FRMD4B: variants seen among roughly 807,000 people sequenced by gnomAD.
FRMD4B encodes the protein FERM domain-containing protein 4B.
FRMD4B carries 74 observed loss-of-function variants against 141.5 expected under a neutral mutation model. The ratio of observed to expected loss-of-function variants is 0.52; its 90% CI spans 0.43 to 0.63. The LOEUF is 0.63. Ranked by LOEUF, FRMD4B falls within the 30% of genes least tolerant of loss-of-function variation. The probability of loss-of-function intolerance (pLI) is 0.00; values close to 1 mark genes in which losing one functional copy is unlikely to be tolerated. For synonymous variants in FRMD4B, 506 were observed against 467.9 expected, an observed-to-expected ratio of 1.08 and a Z score of -1.05; for missense variants, 1,366 against 1,253.4, an observed-to-expected ratio of 1.09 and a Z score of -1.36.
At position 69,198,883 on chromosome 3, in the gene FRMD4B, C is replaced by T. The variant is rs921033609; in HGVS notation, c.877-109G>A. 8.7e-5 allele frequency: 57 copies of T among 654,912 alleles called. No homozygotes were observed. The Admixed American group carries it at 1.3e-3, about 15-fold the overall frequency. The allele number at this position is 654,912 out of a possible 1,614,324, so 40.6% of individuals were successfully genotyped here. On this transcript the variant is annotated intron_variant, in intron 11 of 22. Coordinates refer to ENST00000398540, the MANE Select transcript of FRMD4B (RefSeq NM_015123.3). ...TAAGCTCCAAGAAGGTACACTGATA[C>T]GATGAAACATGAATATGTGATTCAG... is the stretch of plus-strand genomic sequence containing the variant.
At chr3:69,290,714 C>A (rs985945017) in intron 4 of FRMD4B, among the ~76,000 whole-genome samples, 4 of 152,148 alleles carry the variant, frequency 2.6e-5, no homozygotes, top group African/African-American at 9.7e-5. Flanking sequence ...CCCGATTGTT[C>A]TCTCATTTAA....
chr3:69,233,635 CTGT>C (rs1464280091), intron 7 of FRMD4B, among the ~76,000 whole-genome samples: 2 of 152,150 alleles, frequency 1.3e-5, no homozygotes, highest in African/African-American at 4.8e-5. Flanking sequence ...AGTCTAAAGC[CTGT>C]TATTAAGTGT....
chr3:69,537,915 C>A (rs1559556648), intron 1 of FRMD4B, among the ~76,000 whole-genome samples: 2 of 152,220 alleles, frequency 1.3e-5, no homozygotes, highest in African/African-American at 4.8e-5. Flanking sequence ...GGCAGTCCAG[C>A]CCTTTGATGT....
chr3:69,452,937 G>GT (rs1387064954), intron 1 of FRMD4B, among the ~76,000 whole-genome samples: 1 of 152,226 alleles, frequency 6.6e-6, no homozygotes, highest in Non-Finnish European at 1.5e-5. Flanking sequence ...TATAGCTGAC[G>GT]TAAGTTTATT....
intron 1 of FRMD4B, among the ~76,000 whole-genome samples, chr3:69,528,059 T>C (rs368461626): frequency 6.6e-6 from 1 of 152,290 alleles, no homozygotes; most frequent in East Asian, 1.9e-4. Flanking sequence ...AGATAGAATC[T>C]CATTCTTCCA....
intron 7 of FRMD4B, among the ~76,000 whole-genome samples, chr3:69,245,556 AG>A (rs1466514035): frequency 6.6e-6 from 1 of 152,162 alleles, no homozygotes; most frequent in East Asian, 1.9e-4. Context: ...CATGTTGGCC[AG>A]GCTAGTCTCA....
chr3:69,175,211 G>C (rs1431120839), intron 22 of FRMD4B, among the ~76,000 whole-genome samples: 1 of 152,160 alleles, frequency 6.6e-6, no homozygotes, highest in Non-Finnish European at 1.5e-5. Context: ...TATGTAGTCT[G>C]TGTCTGAAGC....
At chr3:69,488,628 C>T (rs1483114824) in intron 1 of FRMD4B, among the ~76,000 whole-genome samples, 1 of 152,052 alleles carries the variant, frequency 6.6e-6, no homozygotes, top group African/African-American at 2.4e-5. Flanking sequence ...ATAGGCCTGG[C>T]ACGGTGGTTC....
In FRMD4B at chr3:69,347,646, T is replaced by C. The variant is rs566339293; in HGVS notation, c.163-34129A>G. Among the ~76,000 whole-genome samples the C allele has an allele frequency of 2.4e-4, 36 of 152,274 alleles. No homozygotes were observed. The East Asian group carries it at 6.8e-3, about 29-fold the overall frequency. On this transcript the variant is annotated intron_variant, in intron 1 of 22. Transcript: ENST00000398540. ...TAACAAACGGTCTCTCAGACCACAA[T>C]GCAATCAAACTAGAACTCAGGATTA...
chr3:69,173,879 C>T (rs2092614804), intron 22 of FRMD4B, among the ~76,000 whole-genome samples: 1 of 152,204 alleles, frequency 6.6e-6, no homozygotes, highest in Admixed American at 6.5e-5. Context: ...TGGGTTACAC[C>T]TGTAATCCCA....
In FRMD4B at chr3:69,464,588, T is replaced by C. The variant is rs183007785; in HGVS notation, c.-128-31827A>G. ...TTTAAATGTGGAGACCCCTTTCTTA[T>C]AGAAGTGGTCCTTCTAGGACAGGAG... is the stretch of plus-strand genomic sequence containing the variant. On this transcript the variant is annotated intron_variant, in intron 1 of 5. Coordinates refer to the FRMD4B transcript ENST00000459638. Among the ~76,000 whole-genome samples, 14 of 152,316 alleles carry C rather than the reference T, an allele frequency of 9.2e-5. No homozygotes were observed. The East Asian group carries it at 1.5e-3, about 17-fold the overall frequency.
At chr3:69,185,224 C>T (rs1331549289) in intron 19 of FRMD4B, among the ~76,000 whole-genome samples, 1 of 150,116 alleles carries the variant, frequency 6.7e-6, no homozygotes, top group Non-Finnish European at 1.5e-5. Context: ...TGGCGTGAAC[C>T]TGGGAGGCGG....
chr3:69,187,718 A>G, intron 19 of FRMD4B, 52 bp downstream of exon 19: 1 of 1,546,272 alleles, frequency 6.5e-7, no homozygotes, highest in Non-Finnish European at 8.8e-7. Context: ...ATTTTGGAGG[A>G]AAAATTTCCT....
intron 2 of FRMD4B, among the ~76,000 whole-genome samples, chr3:69,403,357 G>A (rs1009262057): frequency 2.0e-5 from 3 of 152,156 alleles, no homozygotes; most frequent in African/African-American, 7.2e-5. Flanking sequence ...TTTTAAAACT[G>A]GCTCAACTGG....
chr3:69,422,377 ACT>A (rs1237162140), intron 2 of FRMD4B, among the ~76,000 whole-genome samples: 1 of 137,602 alleles, frequency 7.3e-6, no homozygotes, highest in African/African-American at 2.6e-5. Context: ...ACAGAGCGAG[ACT>A]CTGAAAAAAA....
chr3:69,330,814 GC>G (rs1702345968), intron 1 of FRMD4B, among the ~76,000 whole-genome samples: 1 of 152,136 alleles, frequency 6.6e-6, no homozygotes, highest in South Asian at 2.1e-4. Flanking sequence ...CCGCTGAATT[GC>G]TAGATGCCTC....
At chr3:69,385,735 G>C in intron 1 of FRMD4B, 93 bp downstream of exon 1, 1 of 1,123,918 alleles carries the variant, frequency 8.9e-7, no homozygotes, top group Non-Finnish European at 1.2e-6. Flanking sequence ...TTTAAGAAGA[G>C]CTGGGGGGAA....
intron 1 of FRMD4B, among the ~76,000 whole-genome samples, chr3:69,355,220 T>C (rs1197544362): frequency 1.3e-5 from 2 of 152,098 alleles, no homozygotes; most frequent in Admixed American, 1.3e-4. Context: ...AATTATCCTA[T>C]CAAGAGGGAG....
chr3:69,424,176 G>A (rs1705033988), intron 2 of FRMD4B, among the ~76,000 whole-genome samples: 1 of 152,166 alleles, frequency 6.6e-6, no homozygotes, highest in African/African-American at 2.4e-5. Context: ...TGAGAATGTT[G>A]TGACGAGGTT....
Sources: gnomAD v4.1 joint callset for allele counts (sites outside exome capture counted in the v4.1 genomes callset) on GRCh38, gnomAD v4.1.1 for gene constraint, MANE v1.5 for transcripts, NCBI Gene and HGNC (gene_info 2026-07-23, HGNC 2026-07-21) for gene names.